ZMYM4: variants seen among roughly 807,000 people sequenced by gnomAD.
The protein encoded by ZMYM4 is zinc finger MYM-type protein 4.
ZMYM4 carries 31 observed loss-of-function variants against 183.2 expected under a neutral mutation model. The ratio of observed to expected loss-of-function variants is 0.17; its 90% CI spans 0.13 to 0.23. The LOEUF (loss-of-function observed/expected upper bound fraction) is 0.23, where lower values mean the gene tolerates loss of function less well. ZMYM4 is among the 10% of genes least tolerant of loss of function. ZMYM4 has a pLI of 1.00. For synonymous variants in ZMYM4, 592 were observed against 631.2 expected (o/e 0.94, Z 0.93); for missense variants, 1,273 against 1,840.3 (o/e 0.69, Z 5.64).
At chr1:35,399,387 A>G (rs1394854810) in intron 22 of ZMYM4, 95 bp from the exon 23 acceptor site, 2 of 1,114,316 alleles carry the variant, frequency 1.8e-6, no homozygotes, top group Non-Finnish European at 2.6e-6. Flanking sequence ...TAATGAATAT[A>G]GTGATGATTA....
Position 35,346,712 on chromosome 1 carries a change from C to G in ZMYM4, c.86-12213C>G. 2.0e-5 allele frequency among the ~76,000 whole-genome samples: 3 copies of G among 151,122 alleles called. 1 individual carries two copies. In the Middle Eastern group the frequency reaches 0.01, roughly 521 times the overall value. The stretch of plus-strand genomic sequence containing the variant: ...AGAAATAGTTCTATAGATAATTTCC[C>G]TAAGTAGCTTTCTAAGCCTATTTAA... On this transcript the variant is annotated intron_variant, in intron 2 of 29. Coordinates refer to ENST00000314607, the MANE Select transcript of ZMYM4 (RefSeq NM_005095.3).
chr1:35,323,026 A>C (rs541204516), intron 1 of ZMYM4, among the ~76,000 whole-genome samples: 21 of 147,188 alleles, frequency 1.4e-4, no homozygotes, highest in Non-Finnish European at 2.8e-4. Flanking sequence ...TTGAGACGGA[A>C]TCATGCTTTG....
intron 7 of ZMYM4, among the ~76,000 whole-genome samples, chr1:35,378,429 T>C (rs564329912): frequency 1.3e-5 from 2 of 152,336 alleles, no homozygotes; most frequent in South Asian, 4.1e-4. Flanking sequence ...TCTTAAATAA[T>C]GAGTTGCAAA....
chr1:35,318,882 C>T (rs1184339648), intron 1 of ZMYM4, among the ~76,000 whole-genome samples: 1 of 152,124 alleles, frequency 6.6e-6, no homozygotes, highest in African/African-American at 2.4e-5. Flanking sequence ...TAAACTGACA[C>T]AGTGTTTTTG....
Position 35,304,820 on chromosome 1 carries a change from G to A in ZMYM4, c.40-20540G>A, listed in dbSNP as rs1468019449. On this transcript the variant is annotated intron_variant, in intron 1 of 29. Transcript: ENST00000314607. ...CTTTTTTTATGGTCCAGCATATAGT[G>A]TATCTTGGTGCCTCCACAAGTAAAC... is the stretch of plus-strand genomic sequence containing the variant. Among the ~76,000 whole-genome samples, 3 of 146,564 alleles carry A rather than the reference G, an allele frequency of 2.0e-5. No homozygotes were observed. In the East Asian group the frequency reaches 6.1e-4, roughly 30 times the overall value.
intron 1 of ZMYM4, among the ~76,000 whole-genome samples, chr1:35,294,888 T>C (rs1640930986): frequency 6.6e-6 from 1 of 152,238 alleles, no homozygotes; most frequent in Admixed American, 6.5e-5. Flanking sequence ...GAACGGACTT[T>C]TCAGAACAAG....
intron 25 of ZMYM4, among the ~76,000 whole-genome samples, chr1:35,406,898 G>A (rs1433065149): frequency 6.6e-6 from 1 of 152,088 alleles, no homozygotes; most frequent in Non-Finnish European, 1.5e-5. Context: ...AATCAAATTG[G>A]ATAACTCCCC....
At chr1:35,320,461 G>A (rs1642234417) in intron 1 of ZMYM4, among the ~76,000 whole-genome samples, 1 of 152,224 alleles carries the variant, frequency 6.6e-6, no homozygotes, top group Non-Finnish European at 1.5e-5. Context: ...TTGTTCACCT[G>A]TATCCTTTGT....
At chr1:35,350,424 G>C (rs922947160) in intron 2 of ZMYM4, among the ~76,000 whole-genome samples, 2 of 152,048 alleles carry the variant, frequency 1.3e-5, no homozygotes, top group African/African-American at 4.8e-5. Context: ...TAGTAGCTGG[G>C]ATTAAAGGCA....
chr1:35,407,756 G>T (rs1206292926), intron 25 of ZMYM4, among the ~76,000 whole-genome samples: 1 of 152,252 alleles, frequency 6.6e-6, no homozygotes, highest in East Asian at 1.9e-4. Context: ...TTCCCTGTTG[G>T]ATAGCCCTCA....
intron 15 of ZMYM4, 126 bp from the exon 16 acceptor site, chr1:35,392,084 TAA>T: frequency 8.1e-7 from 1 of 1,230,254 alleles, no homozygotes. Context: ...CAGTTAATCC[TAA>T]AGTGACTTTT....
rs905704855 is a variant in ZMYM4 at position 35,269,206 on chromosome 1, A to G, written c.39+121A>G. 2.3e-5 allele frequency: 25 copies of G among 1,067,046 alleles called. No homozygotes were observed. The Admixed American group carries it at 9.1e-4, about 39-fold the overall frequency. 66.1% of individuals were successfully genotyped at this position (1,067,046 alleles called of 1,614,324 possible). On this transcript the variant is annotated intron_variant, in intron 1 of 29. Coordinates refer to ENST00000314607, the MANE Select transcript of ZMYM4 (RefSeq NM_005095.3). ...GCCCAGTTAGGACAAGGTTGCGGGC[A>G]GGTCTGAGGCAGCCTTGGGTCCGGA...
At chr1:35,401,168 G>A (rs1644902071) in intron 23 of ZMYM4, among the ~76,000 whole-genome samples, 1 of 152,150 alleles carries the variant, frequency 6.6e-6, no homozygotes, top group South Asian at 2.1e-4. Flanking sequence ...TAGGTTTTAT[G>A]CTTATGTGTA....
At position 35,380,213 on chromosome 1, in the gene ZMYM4, C is replaced by T. The variant is rs886976276; in HGVS notation, c.1182-1046C>T. On this transcript the variant is annotated intron_variant, in intron 7 of 29. Coordinates refer to ENST00000314607, the MANE Select transcript of ZMYM4 (RefSeq NM_005095.3). ...TTAAGATACAAACATGAGTATAAAG[C>T]AGTTTATTAACTATTATGTGGATGT... 3.7e-4 allele frequency among the ~76,000 whole-genome samples: 56 copies of T among 152,240 alleles called. 1 individual carries two copies. The highest frequency in any genetic ancestry group is 3.4e-3 in the Middle Eastern group (1 of 294).
rs779421021 is a variant in ZMYM4 at position 35,361,765 on chromosome 1, A to G, written c.816A>G (p.Ile272Met). 1.2e-6 allele frequency: 2 copies of G among 1,608,136 alleles called. No individual in the cohort carries two copies. Among genetic ancestry groups the G allele is most frequent in the Admixed American group, 1.7e-5 (1 of 58,062 alleles). The change falls in exon 5 of 30, where the codon ATA becomes ATG. Residue 272 changes from isoleucine to methionine, a missense_variant. By Grantham distance (10) the Ile-to-Met change is conservative (BLOSUM62 1). Around this residue, in one of 6 missense-constraint regions of ZMYM4, gnomAD observed 384 missense variants for 465.6 expected, o/e 0.82. Coordinates refer to ENST00000314607, the MANE Select transcript of ZMYM4 (RefSeq NM_005095.3). ...CACAGCAGGGACTACTAGACAAAAT[A>G]AAAGATGAACCTGACAATGCTCAAG... ...MAPQQGLLDK[I>M]KDEPDNAQEY...
At chr1:35,383,494 A>C (rs1402411170) in intron 9 of ZMYM4, among the ~76,000 whole-genome samples, 1 of 152,124 alleles carries the variant, frequency 6.6e-6, no homozygotes, top group Non-Finnish European at 1.5e-5. Context: ...ATTTCCTGTT[A>C]ATGTGAAAAC....
Position 35,404,335 on chromosome 1 carries a change from A to C in ZMYM4, c.3529-688A>C, listed in dbSNP as rs576293719. On this transcript the variant is annotated intron_variant, in intron 23 of 29. Transcript: ENST00000314607. ...TTAGGCCTCCCAGAGTGCTGGCATT[A>C]CAGGTATGGGCCATTGCACTTGGCC... is the stretch of plus-strand genomic sequence containing the variant. Among the ~76,000 whole-genome samples, 7 of 152,316 alleles carry C rather than the reference A, an allele frequency of 4.6e-5. No homozygotes were observed. In the South Asian group the frequency reaches 1.4e-3, roughly 32 times the overall value.
intron 1 of ZMYM4, among the ~76,000 whole-genome samples, chr1:35,279,249 T>C (rs1342993906): frequency 1.3e-5 from 2 of 152,214 alleles, no homozygotes; most frequent in African/African-American, 4.8e-5. Flanking sequence ...TAAGACACTT[T>C]AAAAAATTTT....
intron 5 of ZMYM4, among the ~76,000 whole-genome samples, chr1:35,363,734 T>C (rs934936720): frequency 2.0e-5 from 3 of 152,198 alleles, no homozygotes; most frequent in African/African-American, 7.2e-5. Flanking sequence ...AAAGCATGTT[T>C]ATAGAAGCAG....
Sources: gnomAD v4.1 joint callset for allele counts (sites outside exome capture counted in the v4.1 genomes callset) on GRCh38, gnomAD v4.1.1 for gene constraint, gnomAD v4.1.1 regional missense constraint, MANE v1.5 for transcripts, NCBI Gene and HGNC (gene_info 2026-07-23, HGNC 2026-07-21) for gene names.